Variants in PBX3 observed in about 807,000 individuals in gnomAD.
The protein encoded by PBX3 is PBX homeobox 3, also known as pre-B-cell leukemia transcription factor 3.
PBX3 carries 14 observed loss-of-function variants against 48.5 expected under a neutral mutation model. That is an observed-to-expected ratio of 0.29 (90% CI 0.19 to 0.45). The LOEUF is 0.45. PBX3 is among the 20% of genes least tolerant of loss of function. The pLI, the probability that PBX3 is intolerant of heterozygous loss-of-function variation, is 1.00. For synonymous variants in PBX3, 210 were observed against 200.3 expected, an observed-to-expected ratio of 1.05 and a Z score of -0.41; for missense variants, 386 against 546.7, an observed-to-expected ratio of 0.71 and a Z score of 2.93.
intron 2 of PBX3, among the ~76,000 whole-genome samples, chr9:125,770,898 A>G (rs569046070): frequency 6.6e-6 from 1 of 152,330 alleles, no homozygotes; most frequent in South Asian, 2.1e-4. Flanking sequence ...TCAGTTATGC[A>G]GCAGCAGCTT....
intron 2 of PBX3, among the ~76,000 whole-genome samples, chr9:125,780,242 G>GAC (rs1308986101): frequency 7.9e-6 from 1 of 126,472 alleles, no homozygotes; most frequent in African/African-American, 3.0e-5. Flanking sequence ...GCGGGGGGCT[G>GAC]AGCCCCCCAC....
chr9:125,784,745 A>G (rs1214159096), intron 2 of PBX3, among the ~76,000 whole-genome samples: 1 of 152,202 alleles, frequency 6.6e-6, no homozygotes, highest in Non-Finnish European at 1.5e-5. Flanking sequence ...AGGGAAAGAA[A>G]AAACCCCTTT....
chr9:125,934,647 C>T (rs1292759574), intron 4 of PBX3, among the ~76,000 whole-genome samples: 1 of 152,206 alleles, frequency 6.6e-6, no homozygotes, highest in East Asian at 1.9e-4. Flanking sequence ...GAAATCATAC[C>T]TCAGTCCAGG....
chr9:125,814,562 A>G (rs1588174521), intron 2 of PBX3, among the ~76,000 whole-genome samples: 2 of 152,338 alleles, frequency 1.3e-5, no homozygotes, highest in Non-Finnish European at 2.9e-5. Flanking sequence ...AATTCTAACT[A>G]TCTGAAAATA....
chr9:125,920,367 G>A (rs910922115), intron 3 of PBX3, among the ~76,000 whole-genome samples: 1 of 152,138 alleles, frequency 6.6e-6, no homozygotes. Flanking sequence ...TAGAACTTAA[G>A]CCAAGGTTCC....
intron 2 of PBX3, among the ~76,000 whole-genome samples, chr9:125,792,823 C>T (rs553352097): frequency 2.8e-4 from 43 of 151,526 alleles, no homozygotes; most frequent in African/African-American, 9.7e-4. Flanking sequence ...CTCAGCCTCC[C>T]GAGTAGCTGG....
At chr9:125,822,541 C>G (rs1490519328) in intron 2 of PBX3, among the ~76,000 whole-genome samples, 1 of 152,072 alleles carries the variant, frequency 6.6e-6, no homozygotes, top group South Asian at 2.1e-4. Flanking sequence ...TTTAGAAACT[C>G]TAAAATGTGT....
chr9:125,957,173 T>G (rs1243556902), intron 5 of PBX3, among the ~76,000 whole-genome samples: 1 of 152,218 alleles, frequency 6.6e-6, no homozygotes, highest in African/African-American at 2.4e-5. Flanking sequence ...TAGTTTAACA[T>G]TTTTAGATAT....
intron 3 of PBX3, among the ~76,000 whole-genome samples, chr9:125,919,452 A>G (rs557865451): frequency 1.1e-3 from 160 of 143,102 alleles, no homozygotes; most frequent in Non-Finnish European, 1.9e-3. Context: ...CTCATGATCC[A>G]CCTGCCTTGG....
chr9:125,957,707 A>G (rs1057039990), intron 5 of PBX3, among the ~76,000 whole-genome samples: 1 of 152,164 alleles, frequency 6.6e-6, no homozygotes, highest in Admixed American at 6.5e-5. Context: ...TCCAACAGAG[A>G]ATTGTTTGGA....
At chr9:125,828,796 G>A (rs1022975000) in intron 2 of PBX3, among the ~76,000 whole-genome samples, 1 of 152,162 alleles carries the variant, frequency 6.6e-6, no homozygotes, top group African/African-American at 2.4e-5. Context: ...TCTAAACGTC[G>A]TTTGACAGAT....
intron 2 of PBX3, among the ~76,000 whole-genome samples, chr9:125,911,407 A>G (rs184117671): frequency 6.6e-6 from 1 of 152,174 alleles, no homozygotes; most frequent in Non-Finnish European, 1.5e-5. Flanking sequence ...CACAGAAAAT[A>G]AAGTAGGTAT....
chr9:125,778,344 C>T (rs1253555048), intron 2 of PBX3, among the ~76,000 whole-genome samples: 3 of 151,760 alleles, frequency 2.0e-5, no homozygotes, highest in East Asian at 3.9e-4. Context: ...CTGCAACCTC[C>T]GTCTCCTGGG....
intron 2 of PBX3, among the ~76,000 whole-genome samples, chr9:125,786,248 G>A (rs1479660184): frequency 6.6e-6 from 1 of 152,156 alleles, no homozygotes; most frequent in Non-Finnish European, 1.5e-5. Flanking sequence ...CATATGAACT[G>A]AGATGTCACC....
At chr9:125,897,671 C>T (rs562003059) in intron 2 of PBX3, among the ~76,000 whole-genome samples, 88 of 151,914 alleles carry the variant, frequency 5.8e-4, no homozygotes, top group African/African-American at 2.0e-3. Context: ...GGGAAAACTG[C>T]TATTTGAGGG....
chr9:125,805,887 A>G (rs1838110857), intron 2 of PBX3, among the ~76,000 whole-genome samples: 1 of 152,238 alleles, frequency 6.6e-6, no homozygotes, highest in African/African-American at 2.4e-5. Context: ...GCACTATTCT[A>G]TACCCATAGG....
At chr9:125,908,803 T>C (rs940599706) in intron 2 of PBX3, among the ~76,000 whole-genome samples, 1 of 152,150 alleles carries the variant, frequency 6.6e-6, no homozygotes, top group African/African-American at 2.4e-5. Flanking sequence ...CCTAAAAATT[T>C]CTTCAATAGA....
intron 2 of PBX3, among the ~76,000 whole-genome samples, chr9:125,799,709 A>G (rs1837884999): frequency 6.6e-6 from 1 of 152,204 alleles, no homozygotes; most frequent in Admixed American, 6.5e-5. Context: ...TTAGCAGATA[A>G]TTCTCTATTT....
chr9:125,862,127 G>T (rs942084964), intron 2 of PBX3, among the ~76,000 whole-genome samples: 24 of 152,152 alleles, frequency 1.6e-4, no homozygotes, highest in African/African-American at 5.1e-4. Flanking sequence ...CTGCCAGCCA[G>T]TTGGTAGTCT....
Sources: gnomAD v4.1 joint callset for allele counts (sites outside exome capture counted in the v4.1 genomes callset) on GRCh38, gnomAD v4.1.1 for gene constraint, MANE v1.5 for transcripts, NCBI Gene and HGNC (gene_info 2026-07-23, HGNC 2026-07-21) for gene names.